The following GPR137C variants were observed in gnomAD, a reference collection of about 807,000 sequenced individuals.
The protein encoded by GPR137C is integral membrane protein GPR137C.
Under a neutral mutation model 43.4 loss-of-function variants are expected in GPR137C, and 27 were observed. That is an observed-to-expected ratio of 0.62 (90% CI 0.46 to 0.86). GPR137C has a LOEUF of 0.86. Ranked by LOEUF, GPR137C falls within the 40% of genes least tolerant of loss-of-function variation. The probability of loss-of-function intolerance (pLI) is 0.00; values close to 1 mark genes in which losing one functional copy is unlikely to be tolerated. For missense variants in GPR137C, 522 were observed against 534.6 expected (o/e 0.98, Z 0.23); for synonymous variants, 285 against 226.9 (o/e 1.26, Z -2.30).
Position 52,625,532 on chromosome 14 carries a change from C to CTTTTTTTTTTT in GPR137C, c.718-6598_718-6588dup. Among the ~76,000 whole-genome samples the CTTTTTTTTTTT allele has an allele frequency of 5.5e-5, 2 of 36,058 alleles. 1 individual carries two copies. Among genetic ancestry groups the CTTTTTTTTTTT allele is most frequent in the African/African-American group, 2.2e-4 (2 of 9,156 alleles). The allele number at this position is 36,058 out of a possible 152,430, so 23.7% of individuals were successfully genotyped here. The stretch of plus-strand genomic sequence containing the variant: ...GAAAATAGAGGAGGGAAGAACACAT[C>CTTTTTTTTTTT]TTTTTTTTTTTTTTTTTTTTTTTTT... On this transcript the variant is annotated intron_variant, in intron 3 of 6. Coordinates refer to ENST00000321662, the MANE Select transcript of GPR137C (RefSeq NM_001099652.2).
At chr14:52,579,618 C>T (rs1017952311) in intron 1 of GPR137C, among the ~76,000 whole-genome samples, 1 of 152,190 alleles carries the variant, frequency 6.6e-6, no homozygotes, top group Non-Finnish European at 1.5e-5. Flanking sequence ...TTGTTAAACT[C>T]ATGGTTACAG....
intron 1 of GPR137C, among the ~76,000 whole-genome samples, chr14:52,576,914 G>C (rs2038561258): frequency 1.3e-5 from 2 of 152,252 alleles, no homozygotes; most frequent in South Asian, 2.1e-4. Context: ...AATAGGCTGG[G>C]CTCAGTGGCT....
chr14:52,571,945 G>T (rs776206724), intron 1 of GPR137C, among the ~76,000 whole-genome samples: 1 of 152,144 alleles, frequency 6.6e-6, no homozygotes, highest in Non-Finnish European at 1.5e-5. Context: ...AATACTGACT[G>T]CCATCAGAGA....
chr14:52,623,454 C>G (rs1463001044), intron 3 of GPR137C, among the ~76,000 whole-genome samples: 5 of 152,112 alleles, frequency 3.3e-5, no homozygotes, highest in Non-Finnish European at 7.4e-5. Flanking sequence ...CATTTCCTTT[C>G]TAGTCTGGAA....
At chr14:52,588,382 T>C (rs1424853647) in intron 1 of GPR137C, among the ~76,000 whole-genome samples, 2 of 152,086 alleles carry the variant, frequency 1.3e-5, no homozygotes, top group African/African-American at 4.8e-5. Context: ...TAACCTCAGG[T>C]GATCCACCTG....
intron 1 of GPR137C, among the ~76,000 whole-genome samples, chr14:52,578,582 A>G (rs1208766414): frequency 6.6e-6 from 1 of 151,760 alleles, no homozygotes; most frequent in Admixed American, 6.6e-5. Flanking sequence ...TTTTTTTTGC[A>G]TTGATCTCTT....
At chr14:52,571,833 A>G (rs2038474985) in intron 1 of GPR137C, among the ~76,000 whole-genome samples, 3 of 152,222 alleles carry the variant, frequency 2.0e-5, no homozygotes, top group Admixed American at 1.3e-4. Flanking sequence ...GAAAAGATTA[A>G]CAAAATAGAC....
chr14:52,554,705 A>C (rs1270257028), intron 1 of GPR137C, among the ~76,000 whole-genome samples: 1 of 113,880 alleles, frequency 8.8e-6, no homozygotes, highest in Non-Finnish European at 1.7e-5. Context: ...TGTAGTTCCA[A>C]GCAAAAGTAA....
At chr14:52,598,696 T>C (rs560833388) in intron 2 of GPR137C, among the ~76,000 whole-genome samples, 2 of 152,322 alleles carry the variant, frequency 1.3e-5, no homozygotes, top group Non-Finnish European at 2.9e-5. Context: ...TCAATCTCAA[T>C]AGCGAGAGTG....
intron 3 of GPR137C, among the ~76,000 whole-genome samples, chr14:52,623,176 C>T (rs1408841236): frequency 2.0e-5 from 3 of 152,100 alleles, no homozygotes; most frequent in Non-Finnish European, 4.4e-5. Context: ...TAAGCCCTGC[C>T]ACATCTGTAC....
At chr14:52,573,765 C>A (rs11157922) in intron 1 of GPR137C, among the ~76,000 whole-genome samples, 15,868 of 152,148 alleles carry the variant, frequency 0.1, 1,140 homozygotes, top group East Asian at 0.36. Context: ...GCAAAAGGAA[C>A]TATCATCAGA....
At chr14:52,577,198 A>T (rs1456319800) in intron 1 of GPR137C, among the ~76,000 whole-genome samples, 1 of 149,970 alleles carries the variant, frequency 6.7e-6, no homozygotes, top group Non-Finnish European at 1.5e-5. Flanking sequence ...AAAAAAAAAA[A>T]AAAAAAAAAA....
chr14:52,553,112 C>T lies in GPR137C; in HGVS notation c.-36C>T, dbSNP rs2038105978. ...CGGCGGCTCCGAGTCCAGCCCCTTC[C>T]TTCCCGCGCTCGCTCGCCCGGCCCC... On this transcript the variant is annotated 5_prime_UTR_variant, in exon 1 of 7. Coordinates refer to ENST00000321662, the MANE Select transcript of GPR137C (RefSeq NM_001099652.2). 3 of 1,132,382 alleles carry T rather than the reference C, an allele frequency of 2.6e-6. No homozygotes were observed. The highest frequency in any genetic ancestry group is 3.3e-5 in the African/African-American group (2 of 60,996). The allele number at this position is 1,132,382 out of a possible 1,614,324, so 70.1% of individuals were successfully genotyped here.
At chr14:52,573,834 G>C (rs2038509322) in intron 1 of GPR137C, among the ~76,000 whole-genome samples, 1 of 151,960 alleles carries the variant, frequency 6.6e-6, no homozygotes, top group African/African-American at 2.4e-5. Context: ...TCTGACAAAG[G>C]GCTAATATCC....
At chr14:52,614,310 AG>A (rs2039073289) in intron 3 of GPR137C, among the ~76,000 whole-genome samples, 1 of 151,816 alleles carries the variant, frequency 6.6e-6, no homozygotes, top group Non-Finnish European at 1.5e-5. Context: ...CTGTAGAGAT[AG>A]GGTTTCACCA....
At chr14:52,597,613 C>G (rs547640210) in intron 1 of GPR137C, among the ~76,000 whole-genome samples, 53 of 152,290 alleles carry the variant, frequency 3.5e-4, no homozygotes, top group African/African-American at 1.2e-3. Context: ...AATATCTTCC[C>G]ATTATCTAAA....
chr14:52,622,599 A>G (rs951576678), intron 3 of GPR137C, among the ~76,000 whole-genome samples: 1 of 152,042 alleles, frequency 6.6e-6, no homozygotes, highest in Non-Finnish European at 1.5e-5. Context: ...TTTGAAAAAA[A>G]ATATGCCCAG....
At chr14:52,599,578 C>T (rs1344731914) in intron 2 of GPR137C, among the ~76,000 whole-genome samples, 1 of 151,880 alleles carries the variant, frequency 6.6e-6, no homozygotes. Context: ...GGACTACAGG[C>T]GTGTGCCGCC....
chr14:52,591,126 C>T (rs1460682989), intron 1 of GPR137C, among the ~76,000 whole-genome samples: 1 of 152,070 alleles, frequency 6.6e-6, no homozygotes, highest in Non-Finnish European at 1.5e-5. Flanking sequence ...ATGATGTTTT[C>T]CAGCTTCACC....
Sources: allele counts gnomAD v4.1 joint callset (sites outside exome capture counted in the v4.1 genomes callset), GRCh38; gene constraint gnomAD v4.1.1; transcripts MANE v1.5; gene names NCBI Gene and HGNC (gene_info 2026-07-23, HGNC 2026-07-21).